The following SECISBP2L variants were observed in gnomAD, a reference collection of about 807,000 sequenced individuals.
SECISBP2L encodes the protein SECIS binding protein 2 like, also known as selenocysteine insertion sequence-binding protein 2-like.
Under a neutral mutation model 114.7 loss-of-function variants are expected in SECISBP2L, and 43 were observed. The ratio of observed to expected loss-of-function variants is 0.38; its 90% CI spans 0.29 to 0.48. The LOEUF (loss-of-function observed/expected upper bound fraction) is 0.48, where lower values mean the gene tolerates loss of function less well. Among genes scored for constraint, SECISBP2L ranks in the 20% least tolerant of loss-of-function variants. The pLI, the probability that SECISBP2L is intolerant of heterozygous loss-of-function variation, is 0.98. For synonymous variants in SECISBP2L, 451 were observed against 439.7 expected, an observed-to-expected ratio of 1.03 and a Z score of -0.32; for missense variants, 1,136 against 1,301.1, an observed-to-expected ratio of 0.87 and a Z score of 1.95.
In SECISBP2L at chr15:49,034,669, G is replaced by GTTTGTTT. The variant is rs1555387329; in HGVS notation, c.528+664_528+665insAAACAAA. 1.1e-4 allele frequency among the ~76,000 whole-genome samples: 14 copies of GTTTGTTT among 132,136 alleles called. 1 individual carries two copies. Among genetic ancestry groups the GTTTGTTT allele is most frequent in the South Asian group, 7.1e-4 (3 of 4,202 alleles). The allele number at this position is 132,136 out of a possible 152,430, so 86.7% of individuals were successfully genotyped here. A position where few individuals can be genotyped will look rare whatever the true frequency, so the allele number is the denominator to read the frequency against. ...TTTGAAGATTGAAAGTATATCTTTT[G>GTTTGTTT]TTTTTTTTTTTTTGAGACAGGGTGT... is the stretch of plus-strand genomic sequence containing the variant. On this transcript the variant is annotated intron_variant, in intron 3 of 17. Transcript: ENST00000559471.
At chr15:49,027,510 T>C in intron 6 of SECISBP2L, 30 bp from the exon 7 acceptor site, 1 of 1,404,414 alleles carries the variant, frequency 7.1e-7, no homozygotes, top group African/African-American at 1.4e-5. Context: ...AAATTATAAT[T>C]TACTTATAAA....
intron 16 of SECISBP2L, 111 bp from the exon 17 acceptor site, chr15:48,996,697 G>A (rs1396770893): frequency 6.8e-6 from 6 of 880,268 alleles, no homozygotes; most frequent in Admixed American, 2.6e-5. Context: ...CTTTCAATGA[G>A]GACAAAATCC....
In SECISBP2L at chr15:49,011,729, A is replaced by G. The variant is rs768414578; in HGVS notation, c.1864+2T>C. ...GAAGAGGAGAAAGGGGGAGCTCCTT[A>G]CCTTCCTGGGAAACAATCTCCTGTG... is the stretch of plus-strand genomic sequence containing the variant. On this transcript the variant is annotated splice_donor_variant, in intron 13 of 17. Coordinates refer to ENST00000559471, the MANE Select transcript of SECISBP2L (RefSeq NM_001193489.2). LOFTEE classifies it high-confidence loss of function. The G allele has an allele frequency of 1.2e-6, 2 of 1,613,960 alleles. No homozygotes were observed. The highest frequency in any genetic ancestry group is 1.7e-6 in the Non-Finnish European group (2 of 1,179,892).
At chr15:48,995,027 C>G (rs920142377) in intron 17 of SECISBP2L, among the ~76,000 whole-genome samples, 2 of 151,980 alleles carry the variant, frequency 1.3e-5, no homozygotes, top group African/African-American at 2.4e-5. Flanking sequence ...AACCTTTAGG[C>G]AGAGTATAGA....
intron 14 of SECISBP2L, among the ~76,000 whole-genome samples, 179 bp from the exon 15 acceptor site, chr15:49,001,276 G>C (rs954733539): frequency 3.3e-5 from 5 of 152,130 alleles, no homozygotes; most frequent in African/African-American, 1.2e-4. Flanking sequence ...AAACAGAAGA[G>C]TGATACAGAT....
rs531429410 is a variant in SECISBP2L at position 49,022,708 on chromosome 15, A to G, written c.1036-3156T>C. Among the ~76,000 whole-genome samples, 172 of 152,358 alleles carry G rather than the reference A, an allele frequency of 1.1e-3. No homozygotes were observed. The South Asian group carries it at 0.015, about 13-fold the overall frequency. On this transcript the variant is annotated intron_variant, in intron 7 of 17. Coordinates refer to ENST00000559471, the MANE Select transcript of SECISBP2L (RefSeq NM_001193489.2). ...AGTTTACAGATTAATTTAAACACCA[A>G]TGGAACAGAATAGAAAGTCCAGAAA... is the stretch of plus-strand genomic sequence containing the variant.
At chr15:48,996,703 A>G in intron 16 of SECISBP2L, 117 bp from the exon 17 acceptor site, 1 of 821,926 alleles carries the variant, frequency 1.2e-6, no homozygotes, top group Non-Finnish European at 1.9e-6. Context: ...ATGAGGACAA[A>G]ATCCAAATGG....
chr15:49,019,382 C>T, intron 8 of SECISBP2L, 36 bp downstream of exon 8: 1 of 1,363,388 alleles, frequency 7.3e-7, no homozygotes, highest in Non-Finnish European at 9.4e-7. Flanking sequence ...GGAACATTTC[C>T]TATAACAGCT....
At position 49,028,645 on chromosome 15, in the gene SECISBP2L, C is replaced by G; in HGVS notation, c.702G>C (p.Glu234Asp). ...PSDIANKSLS[E>D]TTATMLWKSK... ...ACTTCCAGAGCATTGTTGCAGTGGT[C>G]TCTGAGAGAGACTTGTTAGCGATAT... Residue 234 changes from glutamate (E) to aspartate (D), a missense_variant, in exon 5 of 18, where the codon GAG (glutamate) becomes GAC (aspartate). Around this residue, in one of 2 missense-constraint regions of SECISBP2L, gnomAD observed 452 missense variants for 452.3 expected, o/e 1.00. Transcript: ENST00000559471. 2 of 1,614,098 alleles carry G rather than the reference C, an allele frequency of 1.2e-6. No homozygotes were observed. Among genetic ancestry groups the G allele is most frequent in the Non-Finnish European group, 1.7e-6 (2 of 1,180,008 alleles).
At chr15:49,015,111 C>CT (rs1323463245) in intron 11 of SECISBP2L, among the ~76,000 whole-genome samples, 8 of 152,102 alleles carry the variant, frequency 5.3e-5, no homozygotes, top group Non-Finnish European at 1.2e-4. Flanking sequence ...TAGGTACTCT[C>CT]ATATTAATGT....
chr15:49,003,818 A>T (rs1474208965), intron 14 of SECISBP2L, among the ~76,000 whole-genome samples: 1 of 152,124 alleles, frequency 6.6e-6, no homozygotes, highest in East Asian at 1.9e-4. Context: ...AAGCTTTTTG[A>T]TGTGCTGCTA....
chr15:49,005,656 G>C (rs141570692), intron 14 of SECISBP2L, among the ~76,000 whole-genome samples: 4,727 of 144,098 alleles, frequency 0.033, 145 homozygotes, highest in East Asian at 0.15. Context: ...CTTTGCACGT[G>C]AGATGGGTCT....
At chr15:49,020,789 T>C (rs1180317871) in intron 7 of SECISBP2L, among the ~76,000 whole-genome samples, 1 of 152,208 alleles carries the variant, frequency 6.6e-6, no homozygotes, top group Non-Finnish European at 1.5e-5. Context: ...ATTACAGGCA[T>C]GATTCACCGT....
Position 48,992,226 on chromosome 15 carries a change from G to C in SECISBP2L, c.*18C>G, listed in dbSNP as rs1464758939. 6.3e-7 allele frequency: 1 copy of C among 1,578,096 alleles called. No homozygotes were observed. The highest frequency in any genetic ancestry group is 8.6e-7 in the Non-Finnish European group (1 of 1,161,554). Reference sequence around the variant, plus strand: ...CAACCCTTCCACAGCTGGAGATAGAGAGCCGACATTTCCTGAGTTACGTAG... The same window carrying C: ...CAACCCTTCCACAGCTGGAGATAGACAGCCGACATTTCCTGAGTTACGTAG... On this transcript the variant is annotated 3_prime_UTR_variant, in exon 18 of 18. Transcript: ENST00000559471.
intron 14 of SECISBP2L, among the ~76,000 whole-genome samples, chr15:49,006,551 C>T (rs1454722276): frequency 1.3e-5 from 2 of 152,048 alleles, no homozygotes; most frequent in Admixed American, 1.3e-4. Context: ...GCTGTTGATA[C>T]TTGTGTATGC....
intron 4 of SECISBP2L, among the ~76,000 whole-genome samples, chr15:49,031,037 C>CTTTTTTTTTTTTT: frequency 1.2e-5 from 1 of 83,292 alleles, no homozygotes; most frequent in Non-Finnish European, 2.2e-5. Context: ...TTATCATTTT[C>CTTTTTTTTTTTTT]TTTTTTTTTT....
rs1396293472 is a variant in SECISBP2L at position 48,989,803 on chromosome 15, A to G, written c.*2441T>C. On this transcript the variant is annotated 3_prime_UTR_variant, in exon 18 of 18. Transcript: ENST00000559471. ...TTTATAGGTCTTCAAAGAGCCAACC[A>G]TGCCCACTTCAAAAAATATATAAAA... is the stretch of plus-strand genomic sequence containing the variant. 1 of 152,320 alleles carries G rather than the reference A, an allele frequency of 6.6e-6. No homozygotes were observed. The highest frequency in any genetic ancestry group is 2.4e-5 in the African/African-American group (1 of 41,456). The allele number at this position is 152,320 out of a possible 1,614,324, so 9.4% of individuals were successfully genotyped here.
At chr15:49,027,323 A>C in intron 7 of SECISBP2L, 42 bp downstream of exon 7, 1 of 1,390,396 alleles carries the variant, frequency 7.2e-7, no homozygotes, top group Non-Finnish European at 1.0e-6. Context: ...AAAATGACTC[A>C]TCTCATACCT....
intron 9 of SECISBP2L, 45 bp downstream of exon 9, chr15:49,017,503 T>C: frequency 1.6e-6 from 2 of 1,241,020 alleles, no homozygotes; most frequent in East Asian, 2.4e-5. Flanking sequence ...TAGCCATTGT[T>C]CAAAAGATGT....
Sources: allele counts gnomAD v4.1 joint callset (sites outside exome capture counted in the v4.1 genomes callset), GRCh38; gene constraint gnomAD v4.1.1; regional missense constraint gnomAD v4.1.1; transcripts MANE v1.5; gene names NCBI Gene and HGNC (gene_info 2026-07-23, HGNC 2026-07-21).